Variants in GPR39 observed in about 807,000 individuals in gnomAD.
The protein encoded by GPR39 is G protein-coupled receptor 39, also known as zinc sensing receptor.
A neutral mutation model predicts 18.4 loss-of-function variants in GPR39; 23 were observed. That is an observed-to-expected ratio of 1.25 (90% CI 0.90 to 1.77). GPR39 has a LOEUF of 1.77. Among genes scored for constraint, GPR39 ranks in the 40% most tolerant of loss-of-function variants. The pLI, the probability that GPR39 is intolerant of heterozygous loss-of-function variation, is 0.00. For synonymous variants in GPR39, 280 were observed against 257.9 expected (o/e 1.09, Z -0.82); for missense variants, 647 against 602.4 (o/e 1.07, Z -0.78).
rs955907559 is a variant in GPR39, at chr2:132,646,012, A to G, written c.*406A>G. 1.9e-5 allele frequency: 28 copies of G among 1,470,004 alleles called. No homozygotes were observed. Among genetic ancestry groups the G allele is most frequent in the Non-Finnish European group, 2.6e-5 (28 of 1,096,996 alleles). The allele number at this position is 1,470,004 out of a possible 1,614,324, so 91.1% of individuals were successfully genotyped here. ...GGGGTTGGGGGCGAGGGCTGGAAGA[A>G]CAATGCAGGAGGGGGTGGCATCTCC... On this transcript the variant is annotated 3_prime_UTR_variant, in exon 2 of 2. Coordinates refer to ENST00000329321, the MANE Select transcript of GPR39 (RefSeq NM_001508.3).
At chr2:132,476,152 A>G (rs1039532872) in intron 1 of GPR39, among the ~76,000 whole-genome samples, 2 of 152,172 alleles carry the variant, frequency 1.3e-5, no homozygotes, top group Non-Finnish European at 2.9e-5. Flanking sequence ...CTGAAGGAAG[A>G]CAAAGTCCTT....
chr2:132,495,538 A>G (rs1409635626), intron 1 of GPR39, among the ~76,000 whole-genome samples: 1 of 152,128 alleles, frequency 6.6e-6, no homozygotes, highest in Non-Finnish European at 1.5e-5. Context: ...CTGCCCATTC[A>G]GATCTGCTTT....
At chr2:132,609,061 G>A (rs1195057536) in intron 1 of GPR39, among the ~76,000 whole-genome samples, 1 of 152,188 alleles carries the variant, frequency 6.6e-6, no homozygotes, top group Non-Finnish European at 1.5e-5. Flanking sequence ...TCCAGTGTGT[G>A]ACATTGTACA....
chr2:132,455,768 A>C (rs1476625941), intron 1 of GPR39, among the ~76,000 whole-genome samples: 1 of 152,152 alleles, frequency 6.6e-6, no homozygotes, highest in East Asian at 1.9e-4. Context: ...CAGGTTGTTC[A>C]GTTTCCATGT....
intron 1 of GPR39, among the ~76,000 whole-genome samples, chr2:132,547,533 C>T (rs535553298): frequency 3.3e-5 from 5 of 152,114 alleles, no homozygotes; most frequent in East Asian, 1.9e-4. Flanking sequence ...TTTAATCTTT[C>T]GGCTGCTTTG....
intron 1 of GPR39, among the ~76,000 whole-genome samples, chr2:132,506,905 T>C (rs1208730439): frequency 6.6e-6 from 1 of 151,994 alleles, no homozygotes; most frequent in Non-Finnish European, 1.5e-5. Context: ...AATCCCTAAA[T>C]ACTGCTTATT....
chr2:132,417,785 T>C lies in GPR39; in HGVS notation c.743T>C (p.Val248Ala). 6.2e-7 allele frequency: 1 copy of C among 1,614,152 alleles called. No individual in the cohort carries two copies. The highest frequency in any genetic ancestry group is 8.5e-7 in the Non-Finnish European group (1 of 1,180,040). The change falls in exon 1 of 2, where the codon GTG becomes GCG. Residue 248 changes from valine to alanine, a missense_variant. This residue lies in a region of GPR39 where 581 missense variants were observed against 506.8 expected (regional missense o/e 1.15). Coordinates refer to ENST00000329321, the MANE Select transcript of GPR39 (RefSeq NM_001508.3). ...TTCATGTGCTGGAACATGATGCAGG[T>C]GCTCATGAAAAGCCAGAAGGGCTCG... ...VAFMCWNMMQ[V>A]LMKSQKGSLA...
At chr2:132,497,236 T>C (rs1325598492) in intron 1 of GPR39, among the ~76,000 whole-genome samples, 1 of 152,162 alleles carries the variant, frequency 6.6e-6, no homozygotes, top group African/African-American at 2.4e-5. Context: ...AACATGTGAC[T>C]CCTAACATGG....
intron 1 of GPR39, among the ~76,000 whole-genome samples, chr2:132,556,298 G>T (rs1680151203): frequency 6.6e-6 from 1 of 152,132 alleles, no homozygotes; most frequent in South Asian, 2.1e-4. Context: ...TGGCAAACTG[G>T]CTCTCCTCCC....
chr2:132,474,621 C>G (rs1681092895), intron 1 of GPR39, among the ~76,000 whole-genome samples: 1 of 152,202 alleles, frequency 6.6e-6, no homozygotes, highest in South Asian at 2.1e-4. Flanking sequence ...ACACCCTAGT[C>G]AACTGCCCAT....
chr2:132,453,811 G>T (rs1030037300), intron 1 of GPR39, among the ~76,000 whole-genome samples: 3 of 152,132 alleles, frequency 2.0e-5, no homozygotes, highest in Non-Finnish European at 4.4e-5. Context: ...TGTTATTTCT[G>T]AGGCCTCTCT....
chr2:132,418,527 C>G (rs959340290), intron 1 of GPR39: 3 of 152,158 alleles, frequency 2.0e-5, no homozygotes, highest in Non-Finnish European at 4.4e-5. Flanking sequence ...CTTACCAGAC[C>G]AGAGCAACCT....
chr2:132,424,685 A>T (rs910993103), intron 1 of GPR39, among the ~76,000 whole-genome samples: 1 of 152,206 alleles, frequency 6.6e-6, no homozygotes, highest in South Asian at 2.1e-4. Context: ...GGTTTTAAGA[A>T]GTTAAACAGC....
rs186285015 is a variant in GPR39 at position 132,456,193 on chromosome 2, T to C, written c.856+38295T>C. Among the ~76,000 whole-genome samples the C allele has an allele frequency of 2.2e-3, 332 of 152,250 alleles. 1 individual carries two copies. Among genetic ancestry groups the C allele is most frequent in the African/African-American group, 7.0e-3 (290 of 41,564 alleles). The stretch of plus-strand genomic sequence containing the variant: ...GGTGGATATATATTTAGGATAGTTA[T>C]CTCTTCTTGTTGAATTGATCCCTTT... On this transcript the variant is annotated intron_variant, in intron 1 of 1. Transcript: ENST00000329321.
chr2:132,591,321 C>T (rs910562354), intron 1 of GPR39, among the ~76,000 whole-genome samples: 3 of 148,554 alleles, frequency 2.0e-5, no homozygotes, highest in Non-Finnish European at 4.5e-5. Flanking sequence ...CCAGCGGAGT[C>T]TTCTGGCCTC....
At chr2:132,424,766 G>C (rs987699628) in intron 1 of GPR39, among the ~76,000 whole-genome samples, 2 of 152,130 alleles carry the variant, frequency 1.3e-5, no homozygotes, top group Non-Finnish European at 2.9e-5. Flanking sequence ...CAAAGTACAG[G>C]CCTGGCTGTG....
intron 1 of GPR39, among the ~76,000 whole-genome samples, chr2:132,621,363 G>T (rs746108199): frequency 6.6e-6 from 1 of 152,216 alleles, no homozygotes; most frequent in African/African-American, 2.4e-5. Flanking sequence ...ATGACTTGGC[G>T]CTTACCTCTC....
chr2:132,634,702 A>T (rs1486789112), intron 1 of GPR39, among the ~76,000 whole-genome samples: 1 of 152,200 alleles, frequency 6.6e-6, no homozygotes, highest in South Asian at 2.1e-4. Flanking sequence ...CTTATGCTCT[A>T]GGTCCTGGCC....
chr2:132,576,814 G>A (rs986215345), intron 1 of GPR39, among the ~76,000 whole-genome samples: 1 of 152,120 alleles, frequency 6.6e-6, no homozygotes, highest in Non-Finnish European at 1.5e-5. Context: ...CAAGGTTTTT[G>A]TTGTTGTTTT....
Sources: allele counts gnomAD v4.1 joint callset (sites outside exome capture counted in the v4.1 genomes callset), GRCh38; gene constraint gnomAD v4.1.1; regional missense constraint gnomAD v4.1.1; transcripts MANE v1.5; gene names NCBI Gene and HGNC (gene_info 2026-07-23, HGNC 2026-07-21).